Variants in PVT1 observed in about 807,000 individuals in gnomAD.
PVT1 encodes the protein CXCR4/PVT1 fusion.
intron 2 of PVT1, among the ~76,000 whole-genome samples, chr8:127,797,609 A>G (rs76556596): frequency 0.037 from 5,640 of 152,266 alleles, 123 homozygotes; most frequent in South Asian, 0.053. Context: ...CTGACCTCAA[A>G]TAATCTAAGG....
intron 2 of PVT1, among the ~76,000 whole-genome samples, chr8:127,828,036 T>C (rs1814810663): frequency 6.6e-6 from 1 of 152,152 alleles, no homozygotes; most frequent in Non-Finnish European, 1.5e-5. Context: ...TTTTTGTTTC[T>C]CCATTCAAAA....
chr8:128,000,160 C>T (rs991384300), intron 4 of PVT1, among the ~76,000 whole-genome samples: 1 of 152,234 alleles, frequency 6.6e-6, no homozygotes, highest in African/African-American at 2.4e-5. Flanking sequence ...CTGCACACTG[C>T]TCCTAGAACC....
At chr8:128,011,924 G>T (rs2130037327) in intron 4 of PVT1, among the ~76,000 whole-genome samples, 1 of 152,252 alleles carries the variant, frequency 6.6e-6, no homozygotes, top group Non-Finnish European at 1.5e-5. Flanking sequence ...TCCACACAGG[G>T]ACTGTATTAC....
At chr8:127,825,117 T>TAAAAAAAAAAAAAAAAAAA (rs58377389) in intron 2 of PVT1, among the ~76,000 whole-genome samples, 1 of 81,056 alleles carries the variant, frequency 1.2e-5, no homozygotes. Context: ...AAACACTAGC[T>TAAAAAAAAAAAAAAAAAAA]AAAAAAAAAA....
At chr8:127,846,204 A>C (rs1041588126) in intron 2 of PVT1, among the ~76,000 whole-genome samples, 1 of 152,092 alleles carries the variant, frequency 6.6e-6, no homozygotes, top group African/African-American at 2.4e-5. Context: ...TGGAAATGTC[A>C]GTAGAATGGA....
At chr8:128,046,451 C>T (rs1253368033) in intron 4 of PVT1, among the ~76,000 whole-genome samples, 1 of 152,248 alleles carries the variant, frequency 6.6e-6, no homozygotes, top group East Asian at 1.9e-4. Context: ...GTTTAAGCCA[C>T]TGCATCTGTT....
intron 2 of PVT1, among the ~76,000 whole-genome samples, chr8:127,840,758 G>A (rs1374822154): frequency 6.6e-6 from 1 of 151,954 alleles, no homozygotes; most frequent in Admixed American, 6.5e-5. Flanking sequence ...AACTGGTCCT[G>A]CCCATGCAGG....
rs77515375 is a variant in PVT1, at chr8:127,996,817, C to A, written n.912+7526C>A. Among the ~76,000 whole-genome samples, 7 of 152,192 alleles carry A rather than the reference C, an allele frequency of 4.6e-5. No homozygotes were observed. The East Asian group carries it at 1.4e-3, about 30-fold the overall frequency. ...GGTTAGTGGTAGCAGGGAGGTAGCA[C>A]TTCTGTGAAGCCGGAAAGGAGACCT... On this transcript the variant is annotated intron_variant and non_coding_transcript_variant, in intron 4 of 10. Coordinates refer to ENST00000651587, the Ensembl canonical transcript of PVT1.
chr8:127,843,538 G>A (rs1450878097), intron 2 of PVT1, among the ~76,000 whole-genome samples: 1 of 151,936 alleles, frequency 6.6e-6, no homozygotes, highest in African/African-American at 2.4e-5. Flanking sequence ...CGCTTCCCGG[G>A]TTCACGCCAT....
chr8:127,895,652 G>A (rs1181934765), intron 3 of PVT1, among the ~76,000 whole-genome samples: 1 of 151,942 alleles, frequency 6.6e-6, no homozygotes, highest in Admixed American at 6.6e-5. Flanking sequence ...AAAGCATATA[G>A]GCATAAAGGT....
chr8:127,984,628 A>G (rs1406353859), intron 3 of PVT1, among the ~76,000 whole-genome samples: 2 of 152,108 alleles, frequency 1.3e-5, no homozygotes, highest in Admixed American at 6.5e-5. Flanking sequence ...TTGTTTTGAG[A>G]CAGAGTTTTG....
chr8:127,828,966 G>A (rs1814821336), intron 2 of PVT1, among the ~76,000 whole-genome samples: 1 of 152,064 alleles, frequency 6.6e-6, no homozygotes, highest in Non-Finnish European at 1.5e-5. Flanking sequence ...AATGATTCAG[G>A]TCAGGAGCTA....
intron 4 of PVT1, among the ~76,000 whole-genome samples, chr8:128,050,119 G>A (rs1360115154): frequency 6.6e-6 from 1 of 152,176 alleles, no homozygotes; most frequent in Non-Finnish European, 1.5e-5. Flanking sequence ...TACTAATCTT[G>A]CAATCATAAG....
intron 2 of PVT1, among the ~76,000 whole-genome samples, chr8:127,802,701 G>A (rs1814479003): frequency 6.6e-6 from 1 of 152,188 alleles, no homozygotes; most frequent in Non-Finnish European, 1.5e-5. Context: ...CCTTGGACGA[G>A]GTCAGCATTT....
At chr8:127,856,209 G>A (rs149382292) in intron 2 of PVT1, among the ~76,000 whole-genome samples, 85 of 152,228 alleles carry the variant, frequency 5.6e-4, no homozygotes, top group African/African-American at 2.0e-3. Flanking sequence ...GAGCTTTGAT[G>A]GGGCATGTGA....
chr8:127,917,130 G>A (rs891350456), intron 3 of PVT1, among the ~76,000 whole-genome samples: 4 of 152,276 alleles, frequency 2.6e-5, no homozygotes, highest in Admixed American at 2.6e-4. Context: ...GAGTAAATGT[G>A]TTTGATAGCC....
intron 3 of PVT1, among the ~76,000 whole-genome samples, chr8:127,987,336 G>A (rs1037304726): frequency 1.3e-5 from 2 of 152,192 alleles, no homozygotes; most frequent in Non-Finnish European, 2.9e-5. Flanking sequence ...GAGGGTTACA[G>A]CCAGGCCTGG....
intron 2 of PVT1, among the ~76,000 whole-genome samples, chr8:127,812,268 A>AAGGAAGGAAGGC (rs1554588577): frequency 1.5e-3 from 191 of 131,278 alleles, no homozygotes; most frequent in African/African-American, 5.9e-3. Flanking sequence ...GGAAGGCAGG[A>AAGGAAGGAAGGC]AGGAAGGAAG....
At chr8:128,022,244 G>T (rs1202958228) in intron 4 of PVT1, among the ~76,000 whole-genome samples, 1 of 152,168 alleles carries the variant, frequency 6.6e-6, no homozygotes, top group East Asian at 1.9e-4. Context: ...GGTGGGGACG[G>T]GGTGGGAGTG....
Sources: allele counts gnomAD v4.1 joint callset (sites outside exome capture counted in the v4.1 genomes callset), GRCh38; gene constraint gnomAD v4.1.1; transcripts MANE v1.5; gene names NCBI Gene and HGNC (gene_info 2026-07-23, HGNC 2026-07-21).